Variants in KMT2D observed in about 807,000 individuals in gnomAD.
KMT2D encodes the protein histone-lysine N-methyltransferase 2D.
In KMT2D, 55 loss-of-function variants were observed where a neutral mutation model predicts 512.7. That is an observed-to-expected ratio of 0.11 (90% CI 0.09 to 0.13). The LOEUF is 0.13. Among genes scored for constraint, KMT2D ranks in the 10% least tolerant of loss-of-function variants. KMT2D has a pLI of 1.00. For missense variants in KMT2D, 6,061 were observed against 7,127.9 expected (o/e 0.85, Z 5.39); for synonymous variants, 2,995 against 2,904.0 (o/e 1.03, Z -1.01).
rs1274810299 is a variant in KMT2D at position 49,041,534 on chromosome 12, T to C, written c.6236A>G (p.Gln2079Arg). Reference protein sequence around the residue: ...AAHRINKVQKQAESQINKQTK... With the variant: ...AAHRINKVQKRAESQINKQTK... ...CTGCTTGTTGATCTGGCTCTCAGCC[T>C]GCTACAGGGGGAGACCAGGCATAGG... Residue 2079 changes from glutamine (Q) to arginine (R), a missense_variant and splice_region_variant, in exon 32 of 55, where the codon CAG becomes CGG. By Grantham distance (43) the Gln-to-Arg change is conservative. Transcript: ENST00000301067. The surrounding 1 kb of genome is among the most constrained non-coding windows in gnomAD (Gnocchi z 5.4). The C allele has an allele frequency of 1.9e-6, 3 of 1,613,430 alleles. No individual in the cohort carries two copies. The highest frequency in any genetic ancestry group is 2.5e-6 in the Non-Finnish European group (3 of 1,179,610).
At chr12:49,036,615 A>C in intron 35 of KMT2D, among the ~76,000 whole-genome samples, 1 of 150,594 alleles carries the variant, frequency 6.6e-6, no homozygotes, top group Non-Finnish European at 1.5e-5. Flanking sequence ...CAGCCTCCCG[A>C]GTAGCTGGGA....
In KMT2D at chr12:49,031,458, T is replaced by C. The variant is rs201679180; in HGVS notation, c.13247A>G (p.Lys4416Arg). The C allele has an allele frequency of 4.3e-6, 7 of 1,613,824 alleles. No individual in the cohort carries two copies. The Admixed American group carries it at 5.0e-5, about 12-fold the overall frequency. Residue 4416 changes from lysine (K) to arginine (R), a missense_variant, in exon 40 of 55, where the codon AAG (lysine) becomes AGG (arginine). Lys to Arg is a conservative substitution (Grantham distance 26). Around this residue, in one of 16 missense-constraint regions of KMT2D, gnomAD observed 1,600 missense variants for 1,754.9 expected, o/e 0.91. Transcript: ENST00000301067. ...ACATGGCTCTTCCCGAGGTTCCTGC[T>C]TGATGCTGAGTTGGGATGCCTCAGG... ...VVPEASQLSI[K>R]QEPREEPCAL...
rs936196070 is a variant in KMT2D at position 49,024,406 on chromosome 12, G to A, written c.16052+172C>T. ...TGCATCTGAGCAGGTTGGGAGAGGA[G>A]GAAAAGGATACCCTACTAATACCTG... On this transcript the variant is annotated intron_variant, in intron 51 of 54. Transcript: ENST00000301067. The surrounding 1 kb of genome is among the most constrained non-coding windows in gnomAD (Gnocchi z 4.5). Among the ~76,000 whole-genome samples, 3 of 152,174 alleles carry A rather than the reference G, an allele frequency of 2.0e-5. No homozygotes were observed. The highest frequency in any genetic ancestry group is 7.2e-5 in the African/African-American group (3 of 41,432).
Position 49,024,801 on chromosome 12 carries a change from C to T in KMT2D, c.15921+9G>A, listed in dbSNP as rs750137571. The T allele has an allele frequency of 1.2e-6, 2 of 1,612,146 alleles. No homozygotes were observed. Among genetic ancestry groups the T allele is most frequent in the Admixed American group, 3.3e-5 (2 of 59,868 alleles). On this transcript the variant is annotated intron_variant, in intron 50 of 54. Transcript: ENST00000301067. The surrounding 1 kb of genome is among the most constrained non-coding windows in gnomAD (Gnocchi z 4.5). ...CGCCAAGCCCCCCAGCTCCCAGCCC[C>T]TTCCTTACTGATTCAGCTATGCGAA...
intron 46 of KMT2D, 64 bp downstream of exon 46, chr12:49,028,760 CCAGA>C (rs1464918280): frequency 1.3e-6 from 2 of 1,587,842 alleles, no homozygotes; most frequent in African/African-American, 2.7e-5. Flanking sequence ...TTTTCCTTAT[CCAGA>C]CAAATTCCAG....
chr12:49,027,282 G>C lies in KMT2D; in HGVS notation c.14684C>G (p.Thr4895Ser). ...CACATCCAGATTGGAGACATTGTAG[G>C]TATAGCTGTGCTGAGTGGGTGGCTC... is the stretch of plus-strand genomic sequence containing the variant. ...APEPPTQHSY[T>S]YNVSNLDVRQ... Residue 4895 changes from threonine (T) to serine (S), a missense_variant, in exon 49 of 55, where the codon ACC becomes AGC. Physicochemically the swap from Thr to Ser is moderately conservative, Grantham distance 58. This residue lies in a region of KMT2D where 1,600 missense variants were observed against 1,754.9 expected (regional missense o/e 0.91). Coordinates refer to ENST00000301067, the MANE Select transcript of KMT2D (RefSeq NM_003482.4). 1 of 1,547,408 alleles carries C rather than the reference G, an allele frequency of 6.5e-7. No homozygotes were observed. The highest frequency in any genetic ancestry group is 8.7e-7 in the Non-Finnish European group (1 of 1,150,258).
intron 46 of KMT2D, 56 bp from the exon 47 acceptor site, chr12:49,028,197 G>A (rs2120380308): frequency 1.2e-6 from 2 of 1,609,008 alleles, no homozygotes; most frequent in South Asian, 2.2e-5. Context: ...TCTGAGGTGA[G>A]CTCTACTACC....
rs117904191 is a variant in KMT2D, at chr12:49,028,051, G to T, written c.14473C>A (p.Arg4825=). 6.2e-7 allele frequency: 1 copy of T among 1,613,830 alleles called. No individual in the cohort carries two copies. The highest frequency in any genetic ancestry group is 1.3e-5 in the African/African-American group (1 of 74,924). ...YEVLFPESPA[R]AGTEPKKGEA... ...CCCTTCTTTGGCTCAGTGCCTGCCC[G>T]GGCGGGGCTCTCTGGGAACAGCACC... Residue 4825 remains arginine (R), a synonymous_variant, in exon 47 of 55, where the codon CGG becomes AGG. Transcript: ENST00000301067.
In KMT2D at chr12:49,031,906, G is replaced by A. The variant is rs1259726868; in HGVS notation, c.12799C>T (p.Pro4267Ser). The A allele has an allele frequency of 1.1e-5, 17 of 1,536,454 alleles. No homozygotes were observed. The highest frequency in any genetic ancestry group is 2.3e-5 in the East Asian group (1 of 44,256). The change falls in exon 40 of 55, where the codon CCT becomes TCT. Residue 4267 changes from proline (P) to serine (S), a missense_variant. Transcript: ENST00000301067. ...TGGAGGGGGCCTGTCTGTGGTCCAGGGAAGCCCCCAAGTTGAGGTTGGCAG... is the reference window on the plus strand; with the variant it reads ...TGGAGGGGGCCTGTCTGTGGTCCAGAGAAGCCCCCAAGTTGAGGTTGGCAG... ...LGCQPQLGGF[P>S]GPQTGPLQEL...
intron 35 of KMT2D, 114 bp from the exon 36 acceptor site, chr12:49,035,049 A>G: frequency 3.1e-6 from 4 of 1,300,758 alleles, no homozygotes; most frequent in Non-Finnish European, 4.3e-6. Flanking sequence ...ATGGCACGGC[A>G]AGGCAGAAAG....
Position 49,033,685 on chromosome 12 carries a change from T to C in KMT2D, c.11020A>G (p.Asn3674Asp), listed in dbSNP as rs539740452. Residue 3674 changes from asparagine (N) to aspartate (D), a missense_variant, in exon 40 of 55, where the codon AAT becomes GAT. This residue lies in a region of KMT2D where 1,600 missense variants were observed against 1,754.9 expected (regional missense o/e 0.91). Coordinates refer to ENST00000301067, the MANE Select transcript of KMT2D (RefSeq NM_003482.4). The stretch of plus-strand genomic sequence containing the variant: ...TGCTGCTGTTGGGCCAGAGCTGTAT[T>C]AAGGAAGGGGCCACCAGGCTGTCCA... ...LPGQPGGPFLNTALAQQQQQQ... is the reference protein window; with the variant it reads ...LPGQPGGPFLDTALAQQQQQQ... 1.2e-6 allele frequency: 2 copies of C among 1,613,610 alleles called. No individual in the cohort carries two copies. The highest frequency in any genetic ancestry group is 1.6e-4 in the Middle Eastern group (1 of 6,062).
Position 49,021,704 on chromosome 12 carries a change from C to A in KMT2D, c.*76G>T. The A allele has an allele frequency of 7.9e-7, 1 of 1,258,198 alleles. No homozygotes were observed. The highest frequency in any genetic ancestry group is 1.3e-5 in the South Asian group (1 of 79,126). The allele number at this position is 1,258,198 out of a possible 1,614,324, so 77.9% of individuals were successfully genotyped here. On this transcript the variant is annotated 3_prime_UTR_variant, in exon 55 of 55. Transcript: ENST00000301067. ...CCTGGGTCCTGGCTCTGGCTGCTAC[C>A]TCTCTTCCCCCTCATCCCTTTCAGG...
rs1057523642 is a variant in KMT2D, at chr12:49,050,720, C to G, written c.2868G>C (p.Glu956Asp). Residue 956 changes from glutamate to aspartate, a missense_variant, in exon 12 of 55, where the codon GAG (glutamate) becomes GAC (aspartate). Glu to Asp is a conservative substitution (Grantham distance 45, BLOSUM62 2). Coordinates refer to ENST00000301067, the MANE Select transcript of KMT2D (RefSeq NM_003482.4). ...AAPPALSPLG[E>D]LEYPFGAKGD... is the part of the protein sequence containing the mutation. ...CTTTGGCACCAAAGGGGTACTCTAA[C>G]TCCCCCAAAGGAGACAGGGCCGGTG... 35 of 1,613,442 alleles carry G rather than the reference C, an allele frequency of 2.2e-5. No homozygotes were observed. The highest frequency in any genetic ancestry group is 2.6e-5 in the Non-Finnish European group (31 of 1,179,742).
Position 49,041,697 on chromosome 12 carries a change from G to C in KMT2D, c.6192C>G (p.Ala2064=). ...TGCGGTGAGCTGCCCGGTTATCTTT[G>C]GCCTTTTGCTGAGGGATATGGGACA... The part of the protein sequence containing the change: ...AADKAPYLQK[A]KDNRAAHRIN... Residue 2064 remains alanine, a synonymous_variant, in exon 31 of 55, where the codon GCC becomes GCG. Transcript: ENST00000301067. The surrounding 1 kb of genome is among the most constrained non-coding windows in gnomAD (Gnocchi z 5.4). The C allele has an allele frequency of 1.2e-6, 2 of 1,611,422 alleles. No homozygotes were observed. The highest frequency in any genetic ancestry group is 1.1e-5 in the South Asian group (1 of 90,726).
rs1942641823 is a variant in KMT2D, at chr12:49,027,178, T to C, written c.14788A>G (p.Thr4930Ala). ...PLAPSPASPP[T>A]EPLVELPTEP... is the part of the protein sequence containing the mutation. The stretch of plus-strand genomic sequence containing the variant: ...GTGGGAAGTTCAACCAAGGGCTCAG[T>C]AGGGGGACTGGCAGGAGAAGGTGCC... The change falls in exon 49 of 55, where the codon ACT (threonine) becomes GCT (alanine). Residue 4930 changes from threonine to alanine, a missense_variant. Physicochemically the swap from Thr to Ala is moderately conservative, Grantham distance 58. Around this residue, in one of 16 missense-constraint regions of KMT2D, gnomAD observed 1,600 missense variants for 1,754.9 expected, o/e 0.91. Transcript: ENST00000301067. The C allele has an allele frequency of 2.0e-6, 3 of 1,513,884 alleles. No individual in the cohort carries two copies. Among genetic ancestry groups the C allele is most frequent in the African/African-American group, 1.5e-5 (1 of 65,986 alleles). The allele number at this position is 1,513,884 out of a possible 1,614,324, so 93.8% of individuals were successfully genotyped here.
chr12:49,051,742 TG>T lies in KMT2D; in HGVS notation c.1940del (p.Pro647HisfsTer283), dbSNP rs770315135. On this transcript the variant is annotated frameshift_variant, in exon 11 of 55. Transcript: ENST00000301067. LOFTEE classifies it high-confidence loss of function. ...PPPEESPMSP[P>X]PEVSRLSPLP... is the part of the protein sequence containing the mutation. ...GGGGGGATAGGCGCGATACCTCAGG[TG>T]GGGGGGACATAGGTGATTCTTCAGG... is the stretch of plus-strand genomic sequence containing the variant. The T allele has an allele frequency of 9.8e-6, 11 of 1,119,816 alleles. No homozygotes were observed. Among genetic ancestry groups the T allele is most frequent in the Non-Finnish European group, 1.1e-5 (9 of 820,484 alleles). 69.4% of individuals were successfully genotyped at this position (1,119,816 alleles called of 1,614,324 possible).
rs747600863 is a variant in KMT2D, at chr12:49,030,606, T to A, written c.13834A>T (p.Thr4612Ser). The change falls in exon 42 of 55, where the codon ACC becomes TCC. Residue 4612 changes from threonine (T) to serine (S), a missense_variant. Thr to Ser is a moderately conservative substitution (Grantham distance 58). Transcript: ENST00000301067. ...AATATTGCCATTTTTCTGACCTTGG[T>A]AAGCAGCTGGGAATAGTAGTCAGGG... The part of the protein sequence containing the change: ...TGPDYYSQLL[T>S]KNNLSNPPTP... 1.9e-6 allele frequency: 3 copies of A among 1,563,180 alleles called. No homozygotes were observed. The highest frequency in any genetic ancestry group is 2.6e-6 in the Non-Finnish European group (3 of 1,153,054).
intron 43 of KMT2D, 108 bp from the exon 44 acceptor site, chr12:49,029,584 T>G: frequency 1.3e-6 from 1 of 775,414 alleles, no homozygotes; most frequent in Non-Finnish European, 2.2e-6. Flanking sequence ...GCTATCATGA[T>G]TAGCTGTCCT....
rs1376778182 is a variant in KMT2D at position 49,049,717 on chromosome 12, G to A, written c.3871C>T (p.Arg1291Trp). ...CGGGAACGGGCTGGGGAGCTGCGCC[G>A]CCGCCCCTTCTCCCCCTCAGCTTTG... ...GGKAEGEKGR[R>W]RSSPARSRIK... The change falls in exon 12 of 55, where the codon CGG becomes TGG. Residue 1291 changes from arginine (R) to tryptophan (W), a missense_variant. Transcript: ENST00000301067. 3.7e-6 allele frequency: 6 copies of A among 1,600,728 alleles called. No individual in the cohort carries two copies. The highest frequency in any genetic ancestry group is 2.2e-5 in the East Asian group (1 of 44,526).
Sources: allele counts gnomAD v4.1 joint callset (sites outside exome capture counted in the v4.1 genomes callset), GRCh38; gene constraint gnomAD v4.1.1; regional missense constraint gnomAD v4.1.1; non-coding constraint Gnocchi (gnomAD v3.1); transcripts MANE v1.5; gene names NCBI Gene and HGNC (gene_info 2026-07-23, HGNC 2026-07-21).